Variants in NALF1 observed in about 807,000 individuals in gnomAD.
NALF1 encodes the protein family with sequence similarity 155 member A.
In NALF1, 3 loss-of-function variants were observed where a neutral mutation model predicts 48.4. The observed-to-expected ratio is 0.06, with a 90% CI of 0.03 to 0.16. The LOEUF is 0.16. Among genes scored for constraint, NALF1 ranks in the 10% least tolerant of loss-of-function variants. The pLI, the probability that NALF1 is intolerant of heterozygous loss-of-function variation, is 1.00. For missense variants in NALF1, 526 were observed against 571.5 expected (o/e 0.92, Z 0.81); for synonymous variants, 262 against 245.7 (o/e 1.07, Z -0.62).
At chr13:107,408,026 C>A (rs1883929240) in intron 1 of NALF1, among the ~76,000 whole-genome samples, 1 of 151,980 alleles carries the variant, frequency 6.6e-6, no homozygotes, top group African/African-American at 2.4e-5. Context: ...CACATTTTCT[C>A]ACTTATTTGG....
rs908654146 is a variant in NALF1 at position 107,831,355 on chromosome 13, G to A, written c.915+34327C>T. Among the ~76,000 whole-genome samples, 29 of 151,824 alleles carry A rather than the reference G, an allele frequency of 1.9e-4. 2 individuals carry two copies. The South Asian group carries it at 5.6e-3, about 29-fold the overall frequency. On this transcript the variant is annotated intron_variant, in intron 1 of 2. Transcript: ENST00000375915. ...TTAAAACTCTTAAAAAGTAAGCCTC[G>A]GCACTTAATAAGATTGGCAATTATT...
intron 1 of NALF1, among the ~76,000 whole-genome samples, chr13:107,801,958 A>G (rs1051284059): frequency 1.3e-5 from 2 of 152,134 alleles, no homozygotes; most frequent in African/African-American, 4.8e-5. Context: ...TCAGCAGTTT[A>G]AGGAACCATG....
At chr13:107,761,068 A>G (rs1877247845) in intron 1 of NALF1, among the ~76,000 whole-genome samples, 1 of 152,092 alleles carries the variant, frequency 6.6e-6, no homozygotes, top group African/African-American at 2.4e-5. Context: ...AATGGCAAAC[A>G]CCGGCCAGGC....
In NALF1 at chr13:107,383,092, G is replaced by C. The variant is rs141932761; in HGVS notation, c.916-172337C>G. 3.8e-3 allele frequency among the ~76,000 whole-genome samples: 579 copies of C among 152,248 alleles called. 3 individuals are homozygous for C. The highest frequency in any genetic ancestry group is 0.013 in the African/African-American group (558 of 41,550). On this transcript the variant is annotated intron_variant, in intron 1 of 2. Coordinates refer to ENST00000375915, the MANE Select transcript of NALF1 (RefSeq NM_001080396.3). Reference sequence around the variant, plus strand: ...TACTGCAAGTTAGTAGTTGGGTACAGTTTGAATATTTTATGACCTTATTAA... The same window carrying C: ...TACTGCAAGTTAGTAGTTGGGTACACTTTGAATATTTTATGACCTTATTAA...
At chr13:107,763,442 T>C (rs984032040) in intron 1 of NALF1, among the ~76,000 whole-genome samples, 44 of 148,488 alleles carry the variant, frequency 3.0e-4, no homozygotes, top group Non-Finnish European at 5.6e-4. Flanking sequence ...ACATCTGGGA[T>C]CTATACCACT....
chr13:107,253,494 C>T (rs1880746455), intron 1 of NALF1, among the ~76,000 whole-genome samples: 1 of 152,140 alleles, frequency 6.6e-6, no homozygotes, highest in African/African-American at 2.4e-5. Context: ...CTATGTGCCA[C>T]ATTGAGCTGG....
intron 1 of NALF1, among the ~76,000 whole-genome samples, chr13:107,564,289 G>T (rs1381780539): frequency 6.6e-6 from 1 of 152,124 alleles, no homozygotes; most frequent in Non-Finnish European, 1.5e-5. Context: ...TTGTATATGT[G>T]TGCATGAAAG....
intron 1 of NALF1, among the ~76,000 whole-genome samples, chr13:107,432,765 C>T (rs1277149182): frequency 6.6e-6 from 1 of 152,156 alleles, no homozygotes; most frequent in Non-Finnish European, 1.5e-5. Context: ...CAGCCTGTTA[C>T]CTATGCTATC....
chr13:107,313,850 G>A (rs992220461), intron 1 of NALF1, among the ~76,000 whole-genome samples: 10 of 152,004 alleles, frequency 6.6e-5, no homozygotes, highest in East Asian at 1.9e-4. Context: ...TTTCCAGACC[G>A]AACCAATGTA....
chr13:107,248,221 G>C (rs1215096035), intron 1 of NALF1, among the ~76,000 whole-genome samples: 1 of 147,406 alleles, frequency 6.8e-6, no homozygotes, highest in Non-Finnish European at 1.5e-5. Context: ...GATCGTCATA[G>C]GGCAAAAAAA....
At chr13:107,257,773 G>T (rs1880848638) in intron 1 of NALF1, among the ~76,000 whole-genome samples, 1 of 152,134 alleles carries the variant, frequency 6.6e-6, no homozygotes, top group East Asian at 1.9e-4. Flanking sequence ...TAGGGACTGT[G>T]ATGGTGGTGG....
chr13:107,734,409 A>ACAC (rs1555321956), intron 1 of NALF1, among the ~76,000 whole-genome samples: 127 of 149,326 alleles, frequency 8.5e-4, no homozygotes, highest in African/African-American at 2.7e-3. Context: ...TTTAAAAAAA[A>ACAC]ACACACACAC....
chr13:107,244,503 A>G (rs940874590), intron 1 of NALF1, among the ~76,000 whole-genome samples: 27 of 152,238 alleles, frequency 1.8e-4, no homozygotes, highest in African/African-American at 6.5e-4. Flanking sequence ...GTTTTCTGCA[A>G]GGGTAGATGT....
At chr13:107,445,874 T>C (rs1343919590) in intron 1 of NALF1, among the ~76,000 whole-genome samples, 1 of 152,186 alleles carries the variant, frequency 6.6e-6, no homozygotes, top group Non-Finnish European at 1.5e-5. Context: ...CCAATTCACC[T>C]GTGATTTATT....
chr13:107,261,806 A>AAAGCG (rs1205594845), intron 1 of NALF1, among the ~76,000 whole-genome samples: 1 of 152,184 alleles, frequency 6.6e-6, no homozygotes, highest in Admixed American at 6.5e-5. Flanking sequence ...TTGAGCAAAT[A>AAAGCG]AATCACTAAT....
intron 1 of NALF1, among the ~76,000 whole-genome samples, chr13:107,546,557 AG>A (rs1877141026): frequency 6.6e-6 from 1 of 152,114 alleles, no homozygotes; most frequent in Non-Finnish European, 1.5e-5. Context: ...AAAGAGCTCG[AG>A]CTAAAACCTG....
rs940286027 is a variant in NALF1 at position 107,556,304 on chromosome 13, C to T, written c.915+309378G>A. 4.4e-3 allele frequency among the ~76,000 whole-genome samples: 647 copies of T among 147,162 alleles called. 4 individuals carry two copies. Among genetic ancestry groups the T allele is most frequent in the African/African-American group, 0.016 (617 of 39,006 alleles). On this transcript the variant is annotated intron_variant, in intron 1 of 2. Coordinates refer to ENST00000375915, the MANE Select transcript of NALF1 (RefSeq NM_001080396.3). ...ATATATATATATATATATACACACA[C>T]ACACACACACACACATATATATATA...
intron 1 of NALF1, among the ~76,000 whole-genome samples, chr13:107,808,210 T>C (rs1460202369): frequency 6.6e-6 from 1 of 152,030 alleles, no homozygotes; most frequent in African/African-American, 2.4e-5. Context: ...GGGTTATAGG[T>C]TTTGCAGAGT....
Position 107,647,297 on chromosome 13 carries a change from C to T in NALF1, c.915+218385G>A, listed in dbSNP as rs1169161520. ...TCCTGTCTCTTCCCTCACTCTATGCCCTCAGTAAAGAGTTAGTTTTCAAAA... is the reference window on the plus strand; with the variant it reads ...TCCTGTCTCTTCCCTCACTCTATGCTCTCAGTAAAGAGTTAGTTTTCAAAA... On this transcript the variant is annotated intron_variant, in intron 1 of 2. Transcript: ENST00000375915. Among the ~76,000 whole-genome samples the T allele has an allele frequency of 3.3e-5, 5 of 151,660 alleles. No homozygotes were observed. In the East Asian group the frequency reaches 9.6e-4, roughly 29 times the overall value.
Sources: allele counts gnomAD v4.1 joint callset (sites outside exome capture counted in the v4.1 genomes callset), GRCh38; gene constraint gnomAD v4.1.1; transcripts MANE v1.5; gene names NCBI Gene and HGNC (gene_info 2026-07-23, HGNC 2026-07-21).